The following RNF128 variants were observed in gnomAD, a reference collection of about 807,000 sequenced individuals.
RNF128 encodes ring finger protein 128, also known as E3 ubiquitin-protein ligase RNF128.
In RNF128, 13 loss-of-function variants were observed where a neutral mutation model predicts 26.2. That is an observed-to-expected ratio of 0.50 (90% CI 0.32 to 0.79). The LOEUF (loss-of-function observed/expected upper bound fraction) is 0.79. Ranked by LOEUF, RNF128 falls within the 30% of genes least tolerant of loss-of-function variation. The probability of loss-of-function intolerance (pLI) is 0.03; values close to 1 mark genes in which losing one functional copy is unlikely to be tolerated. For missense variants in RNF128, 315 were observed against 349.7 expected (o/e 0.90, Z 0.79); for synonymous variants, 149 against 142.5 (o/e 1.05, Z -0.32).
chrX:106,734,508 T>C (rs1929555230), intron 1 of RNF128, among the ~76,000 whole-genome samples: 1 of 111,896 alleles, frequency 8.9e-6, no homozygotes, highest in Non-Finnish European at 1.9e-5. Context: ...ATTATAATGA[T>C]GGCTACTGAA....
chrX:106,770,378 A>C (rs973287499), intron 1 of RNF128, among the ~76,000 whole-genome samples: 1 of 111,855 alleles, frequency 8.9e-6, no homozygotes. Context: ...ACTTTCAGGT[A>C]CACCAATCAG....
intron 6 of RNF128, among the ~76,000 whole-genome samples, chrX:106,792,409 A>G (rs1319171672): frequency 4.5e-5 from 5 of 110,759 alleles, no homozygotes; most frequent in African/African-American, 1.6e-4. Context: ...CAGATTTTGC[A>G]GAGATTTGAA....
chrX:106,789,782 AT>A, intron 4 of RNF128, among the ~76,000 whole-genome samples: 2 of 109,204 alleles, frequency 1.8e-5, no homozygotes, highest in East Asian at 5.7e-4. Flanking sequence ...CTTGGAACAT[AT>A]CACATTGCCT....
In RNF128 at chrX:106,744,680, C is replaced by G. The variant is rs778931458; in HGVS notation, c.484+17283C>G. Among the ~76,000 whole-genome samples the G allele has an allele frequency of 3.1e-3, 346 of 110,956 alleles. 3 individuals carry two copies. The highest frequency in any genetic ancestry group is 0.011 in the African/African-American group (337 of 30,541). On this transcript the variant is annotated intron_variant, in intron 1 of 6. Coordinates refer to ENST00000255499, the MANE Select transcript of RNF128 (RefSeq NM_194463.2). ...TTCACCGTGTTAACCAGGATGGTCT[C>G]TATCTCCTGACCTCGTGATCCACCC...
chrX:106,743,200 A>T (rs1974745901), intron 1 of RNF128, among the ~76,000 whole-genome samples: 1 of 112,323 alleles, frequency 8.9e-6, no homozygotes, highest in Admixed American at 9.5e-5. Flanking sequence ...AAAACAAATG[A>T]CAATATTTGT....
chrX:106,742,041 AG>A (rs1216886101), intron 1 of RNF128, among the ~76,000 whole-genome samples: 1 of 111,928 alleles, frequency 8.9e-6, no homozygotes, highest in Non-Finnish European at 1.9e-5. Flanking sequence ...TTTCATTAGT[AG>A]CCATGAGGAG....
At position 106,796,720 on chromosome X, in the gene RNF128, CA is replaced by C. The variant is rs1463248732; in HGVS notation, c.*1008del. ...TTGAAAAAGAAGGGGGGGAGAATTC[CA>C]GGTGCCTTAATATAAAGTTTGAAGC... is the stretch of plus-strand genomic sequence containing the variant. On this transcript the variant is annotated 3_prime_UTR_variant, in exon 7 of 7. Transcript: ENST00000255499. The C allele has an allele frequency of 1.8e-5, 2 of 111,047 alleles. No homozygotes were observed. The highest frequency in any genetic ancestry group is 3.8e-5 in the Non-Finnish European group (2 of 52,814). 9.2% of individuals were successfully genotyped at this position (111,047 alleles called of 1,213,427 possible).
chrX:106,718,938 C>T (rs183552734), intron 1 of RNF128, among the ~76,000 whole-genome samples: 57 of 111,642 alleles, frequency 5.1e-4, no homozygotes, highest in African/African-American at 1.8e-3. Flanking sequence ...AGTTTGAGTC[C>T]TGTGCAGCTG....
intron 1 of RNF128, among the ~76,000 whole-genome samples, chrX:106,697,610 C>T (rs1286505229): frequency 9.0e-6 from 1 of 111,566 alleles, no homozygotes; most frequent in Non-Finnish European, 1.9e-5. Flanking sequence ...TTCAAGGGAC[C>T]TGATAAGTCT....
chrX:106,739,133 TTTCC>T (rs753245428), intron 1 of RNF128, among the ~76,000 whole-genome samples: 8 of 109,402 alleles, frequency 7.3e-5, no homozygotes, highest in South Asian at 3.9e-4. Flanking sequence ...TCCTTCCTTT[TTTCC>T]TTCCTTCCTT....
At chrX:106,774,394 A>G (rs376573582) in intron 2 of RNF128, among the ~76,000 whole-genome samples, 5 of 111,594 alleles carry the variant, frequency 4.5e-5, no homozygotes, top group African/African-American at 1.6e-4. Context: ...TGTCTTTTGT[A>G]TACTCAAGGA....
chrX:106,762,940 T>A (rs1452330106), intron 1 of RNF128, among the ~76,000 whole-genome samples: 1 of 108,649 alleles, frequency 9.2e-6, no homozygotes, highest in African/African-American at 3.3e-5. Flanking sequence ...GATGAAATAA[T>A]CTGTACACAA....
intron 2 of RNF128, among the ~76,000 whole-genome samples, chrX:106,775,138 A>T (rs1283370388): frequency 2.7e-5 from 3 of 112,033 alleles, no homozygotes; most frequent in Non-Finnish European, 5.6e-5. Context: ...GATGTTTAAA[A>T]TTCCTGTACC....
intron 1 of RNF128, among the ~76,000 whole-genome samples, chrX:106,716,682 C>T (rs772913241): frequency 6.3e-5 from 7 of 111,023 alleles, no homozygotes; most frequent in Non-Finnish European, 1.3e-4. Flanking sequence ...CAATCATTTA[C>T]TTGCACTTCA....
intron 3 of RNF128, among the ~76,000 whole-genome samples, chrX:106,786,488 G>A (rs1339136523): frequency 1.8e-5 from 2 of 111,025 alleles, no homozygotes; most frequent in African/African-American, 6.5e-5. Flanking sequence ...ATAAAACCTA[G>A]AACTATGAAA....
At chrX:106,776,751 A>G (rs1451584771) in intron 2 of RNF128, among the ~76,000 whole-genome samples, 1 of 111,423 alleles carries the variant, frequency 9.0e-6, no homozygotes, top group African/African-American at 3.3e-5. Flanking sequence ...TGCACTGCTG[A>G]TCTCTGACTG....
chrX:106,783,069 T>C (rs186146120), intron 2 of RNF128, among the ~76,000 whole-genome samples: 12 of 112,138 alleles, frequency 1.1e-4, no homozygotes, highest in African/African-American at 3.9e-4. Flanking sequence ...TATCACCTCT[T>C]TTCCTTTTTA....
chrX:106,766,092 A>C (rs781282314), intron 1 of RNF128, among the ~76,000 whole-genome samples: 98 of 111,550 alleles, frequency 8.8e-4, no homozygotes, highest in South Asian at 5.7e-3. Flanking sequence ...ATATGTGCCA[A>C]ATTTTCTTAA....
At chrX:106,786,962 C>T (rs908530587) in intron 3 of RNF128, among the ~76,000 whole-genome samples, 5 of 111,043 alleles carry the variant, frequency 4.5e-5, no homozygotes, top group Middle Eastern at 4.2e-3. Context: ...AAGAGCTGGG[C>T]GAGATTTGGA....
Sources: gnomAD v4.1 joint callset for allele counts (sites outside exome capture counted in the v4.1 genomes callset) on GRCh38, gnomAD v4.1.1 for gene constraint, MANE v1.5 for transcripts, NCBI Gene and HGNC (gene_info 2026-07-23, HGNC 2026-07-21) for gene names.